The following CREBBP variants were observed in gnomAD, a reference collection of about 807,000 sequenced individuals.
CREBBP encodes the protein CREB-binding protein.
A neutral mutation model predicts 265.0 loss-of-function variants in CREBBP; 19 were observed. The ratio of observed to expected loss-of-function variants is 0.07; its 90% CI spans 0.05 to 0.11. The LOEUF (loss-of-function observed/expected upper bound fraction) is 0.11. Ranked by LOEUF, CREBBP falls within the 10% of genes least tolerant of loss-of-function variation. The probability of loss-of-function intolerance (pLI) is 1.00; values close to 1 mark genes in which losing one functional copy is unlikely to be tolerated. For synonymous variants in CREBBP, 1,457 were observed against 1,223.7 expected (o/e 1.19, Z -3.98); for missense variants, 2,525 against 3,219.0 (o/e 0.78, Z 5.22).
At chr16:3,818,372 G>A (rs1213993286) in intron 2 of CREBBP, among the ~76,000 whole-genome samples, 4 of 138,106 alleles carry the variant, frequency 2.9e-5, no homozygotes, top group African/African-American at 5.3e-5. Context: ...TAGTGGCACC[G>A]TCCCAGCTCA....
At chr16:3,851,544 T>C (rs2054836420) in intron 1 of CREBBP, among the ~76,000 whole-genome samples, 1 of 152,106 alleles carries the variant, frequency 6.6e-6, no homozygotes, top group Admixed American at 6.5e-5. Context: ...TGAATTATAA[T>C]TTTAAAATGC....
chr16:3,853,525 G>A (rs1250227565), intron 1 of CREBBP, among the ~76,000 whole-genome samples: 1 of 152,106 alleles, frequency 6.6e-6, no homozygotes, highest in Admixed American at 6.5e-5. Context: ...CAGGAGAATG[G>A]CGTGAACCCA....
chr16:3,833,423 A>G (rs1447465161), intron 2 of CREBBP, among the ~76,000 whole-genome samples: 2 of 151,492 alleles, frequency 1.3e-5, no homozygotes, highest in Admixed American at 1.3e-4. Flanking sequence ...AAAGAAACCC[A>G]AAACAAACAA....
intron 28 of CREBBP, among the ~76,000 whole-genome samples, chr16:3,733,645 G>T (rs180933361): frequency 1.3e-5 from 2 of 152,072 alleles, no homozygotes; most frequent in African/African-American, 4.8e-5. Context: ...TAAAACAAAG[G>T]AAGCCTATTT....
At chr16:3,740,312 C>G in intron 24 of CREBBP, 87 bp downstream of exon 24, 1 of 1,545,578 alleles carries the variant, frequency 6.5e-7, no homozygotes, top group Non-Finnish European at 8.9e-7. Context: ...AGGATGACCT[C>G]AAACTCAAGA....
chr16:3,795,410 G>A (rs149314423), intron 3 of CREBBP, among the ~76,000 whole-genome samples: 2 of 151,986 alleles, frequency 1.3e-5, no homozygotes, highest in South Asian at 2.1e-4. Context: ...AAATGTTTAC[G>A]TATGAACCAT....
chr16:3,768,339 G>A (rs916191391), intron 15 of CREBBP, among the ~76,000 whole-genome samples: 10 of 151,642 alleles, frequency 6.6e-5, no homozygotes, highest in African/African-American at 2.4e-4. Context: ...TAGATATGGG[G>A]TTTCATCATG....
At chr16:3,753,222 C>T (rs2052514464) in intron 19 of CREBBP, among the ~76,000 whole-genome samples, 1 of 152,224 alleles carries the variant, frequency 6.6e-6, no homozygotes, top group African/African-American at 2.4e-5. Flanking sequence ...AAGACTGAGG[C>T]GTGGGCCACC....
intron 2 of CREBBP, among the ~76,000 whole-genome samples, chr16:3,834,658 T>G (rs1371326717): frequency 6.6e-6 from 1 of 152,186 alleles, no homozygotes; most frequent in African/African-American, 2.4e-5. Flanking sequence ...GAGTGAACCC[T>G]AGTGTAAACT....
intron 1 of CREBBP, among the ~76,000 whole-genome samples, chr16:3,855,363 G>A (rs2054937891): frequency 6.6e-6 from 1 of 152,194 alleles, no homozygotes; most frequent in South Asian, 2.1e-4. Context: ...TGCCTCCCGG[G>A]TTCAAGCAAT....
chr16:3,807,081 A>AGTGGAGT (rs1456112872), intron 3 of CREBBP, among the ~76,000 whole-genome samples: 1 of 152,196 alleles, frequency 6.6e-6, no homozygotes, highest in African/African-American at 2.4e-5. Flanking sequence ...ATTTCACAAA[A>AGTGGAGT]GTGGAGTGAG....
At chr16:3,790,543 T>G (rs779695172) in intron 5 of CREBBP, among the ~76,000 whole-genome samples, 3 of 152,006 alleles carry the variant, frequency 2.0e-5, no homozygotes, top group Non-Finnish European at 4.4e-5. Flanking sequence ...CCCGGCTAAT[T>G]TTGTGTTTTT....
chr16:3,852,519 G>A (rs929783062), intron 1 of CREBBP, among the ~76,000 whole-genome samples: 9 of 152,064 alleles, frequency 5.9e-5, no homozygotes, highest in African/African-American at 2.2e-4. Context: ...TAGCTTTAAC[G>A]CAAAATGAAA....
intron 16 of CREBBP, chr16:3,761,521 C>T (rs199586695): frequency 2.1e-5 from 11 of 518,434 alleles, no homozygotes; most frequent in Non-Finnish European, 3.5e-5. Flanking sequence ...AAAACAGGCG[C>T]ACCAAGAACA....
chr16:3,744,885 G>C lies in CREBBP; in HGVS notation c.3982+9C>G. The C allele has an allele frequency of 6.2e-7, 1 of 1,610,360 alleles. No individual in the cohort carries two copies. Among genetic ancestry groups the C allele is most frequent in the Non-Finnish European group, 8.5e-7 (1 of 1,176,606 alleles). On this transcript the variant is annotated intron_variant, in intron 23 of 30. Transcript: ENST00000262367. ...CAGTCCAGGAAACAGAAAGCTTCCC[G>C]AAACTTACTCTTAGCACTGAATTTG...
At chr16:3,845,573 G>A (rs2054649766) in intron 2 of CREBBP, among the ~76,000 whole-genome samples, 2 of 152,066 alleles carry the variant, frequency 1.3e-5, no homozygotes, top group African/African-American at 4.8e-5. Flanking sequence ...CACTCCTTAT[G>A]CCAAAATAAA....
chr16:3,731,396 G>A lies in CREBBP; in HGVS notation c.4968C>T (p.Leu1656=), dbSNP rs778252653. 2.5e-6 allele frequency: 4 copies of A among 1,611,000 alleles called. No homozygotes were observed. The highest frequency in any genetic ancestry group is 2.2e-5 in the South Asian group (2 of 90,468). ...CGCGCCCATCCATGAGGTCACAGCT[G>A]AGCAGGGGGTCGGGGTCGACGATGG... The part of the protein sequence containing the change: ...LPPIVDPDPL[L]SCDLMDGRDA... Residue 1656 remains leucine, a synonymous_variant, in exon 30 of 31, where the codon CTC becomes CTT. Coordinates refer to ENST00000262367, the MANE Select transcript of CREBBP (RefSeq NM_004380.3). This position sits in a 1 kb window ranked among gnomAD's most constrained non-coding sequence, Gnocchi z 7.7.
chr16:3,738,505 A>G (rs1388535206), intron 26 of CREBBP, 54 bp downstream of exon 26: 4 of 1,042,528 alleles, frequency 3.8e-6, no homozygotes, highest in Non-Finnish European at 6.0e-6. Context: ...GAATAAACAT[A>G]CAGTAAAAAA....
intron 30 of CREBBP, chr16:3,730,658 C>T (rs868461237): frequency 1.1e-5 from 2 of 178,792 alleles, no homozygotes; most frequent in Admixed American, 5.4e-5. Flanking sequence ...CGCTCTGCCC[C>T]GCTACAGACA....
Sources: gnomAD v4.1 joint callset for allele counts (sites outside exome capture counted in the v4.1 genomes callset) on GRCh38, gnomAD v4.1.1 for gene constraint, Gnocchi (gnomAD v3.1) non-coding constraint, MANE v1.5 for transcripts, NCBI Gene and HGNC (gene_info 2026-07-23, HGNC 2026-07-21) for gene names.